Variants in SRRM2 observed in about 807,000 individuals in gnomAD.
SRRM2 encodes serine/arginine repetitive matrix protein 2.
In SRRM2, 30 loss-of-function variants were observed where a neutral mutation model predicts 213.8. The ratio of observed to expected loss-of-function variants is 0.14; its 90% CI spans 0.10 to 0.19. The LOEUF (loss-of-function observed/expected upper bound fraction) is 0.19. Ranked by LOEUF, SRRM2 falls within the 10% of genes least tolerant of loss-of-function variation. SRRM2 has a pLI of 1.00. For missense variants in SRRM2, 4,904 were observed against 3,647.0 expected (o/e 1.34, Z -8.88); for synonymous variants, 2,025 against 1,377.7 (o/e 1.47, Z -10.40).
chr16:2,762,667 TCA>T lies in SRRM2; in HGVS notation c.2141_2142del (p.His714LeufsTer2), dbSNP rs1163342158. On this transcript the variant is annotated frameshift_variant, in exon 11 of 15. Coordinates refer to ENST00000301740, the MANE Select transcript of SRRM2 (RefSeq NM_016333.4). LOFTEE classifies it high-confidence loss of function. ...SRSLVRRGRSHSRTPQRRGRS... is the reference protein window; with the variant it reads ...SRSLVRRGRSXSRTPQRRGRS... Reference sequence around the variant, plus strand: ...GAAGCTTAGTTAGACGTGGAAGATCTCACTCTAGAACACCTCAAAGAAGAGGC... The same window carrying T: ...GAAGCTTAGTTAGACGTGGAAGATCTCTCTAGAACACCTCAAAGAAGAGGC... The T allele has an allele frequency of 1.9e-6, 3 of 1,613,926 alleles. No individual in the cohort carries two copies. The highest frequency in any genetic ancestry group is 2.5e-6 in the Non-Finnish European group (3 of 1,180,016).
chr16:2,762,586 A>T lies in SRRM2; in HGVS notation c.2058A>T (p.Pro686=), dbSNP rs372614399. ...GTGGTCGCTCACGCTCCAGAACACCAGCCAGGAGAGGGAGGTCTCGGTCTA... is the reference window on the plus strand; with the variant it reads ...GTGGTCGCTCACGCTCCAGAACACCTGCCAGGAGAGGGAGGTCTCGGTCTA... ...RRSGRSRSRT[P]ARRGRSRSRT... The change falls in exon 11 of 15, where the codon CCA becomes CCT. Residue 686 remains proline (P), a synonymous_variant. Transcript: ENST00000301740. The T allele has an allele frequency of 1.2e-5, 19 of 1,613,968 alleles. No individual in the cohort carries two copies. The African/African-American group carries it at 2.4e-4, about 20-fold the overall frequency.
At chr16:2,770,260 G>A in intron 12 of SRRM2, 92 bp from the exon 13 acceptor site, 1 of 1,474,020 alleles carries the variant, frequency 6.8e-7, no homozygotes, top group Non-Finnish European at 9.0e-7. Context: ...GTGGTGTGAG[G>A]TTTGGTGGTC....
chr16:2,771,298 G>A lies in SRRM2; in HGVS notation c.*431G>A. ...TTAGTTGGTCCCTACTGTCCCCCAT[G>A]AGGTTGTGAACCCCTCCCCCCAACT... On this transcript the variant is annotated 3_prime_UTR_variant, in exon 15 of 15. Transcript: ENST00000301740. 1 of 999,606 alleles carries A rather than the reference G, an allele frequency of 1.0e-6. No homozygotes were observed. The highest frequency in any genetic ancestry group is 1.6e-6 in the Non-Finnish European group (1 of 639,598). The allele number at this position is 999,606 out of a possible 1,614,324, so 61.9% of individuals were successfully genotyped here. A position where few individuals can be genotyped will look rare whatever the true frequency, so the allele number is the denominator to read the frequency against.
chr16:2,769,811 C>T (rs1319473726), intron 12 of SRRM2: 1 of 465,622 alleles, frequency 2.1e-6, no homozygotes, highest in Non-Finnish European at 4.3e-6. Context: ...ACGGGCCTTG[C>T]CCGCCCTGTG....
chr16:2,770,476 C>T lies in SRRM2; in HGVS notation c.8135+11C>T. 6 of 1,599,276 alleles carry T rather than the reference C, an allele frequency of 3.8e-6. No individual in the cohort carries two copies. Among genetic ancestry groups the T allele is most frequent in the Non-Finnish European group, 5.1e-6 (6 of 1,173,348 alleles). On this transcript the variant is annotated intron_variant, in intron 13 of 14. Coordinates refer to ENST00000301740, the MANE Select transcript of SRRM2 (RefSeq NM_016333.4). ...ACGGGACCAGCAGAGGTAAGGCCAACTGCAGGTGTCAGCACCCAGCCTGTC... is the reference window on the plus strand; with the variant it reads ...ACGGGACCAGCAGAGGTAAGGCCAATTGCAGGTGTCAGCACCCAGCCTGTC...
rs1213614990 is a variant in SRRM2, at chr16:2,771,141, A to G, written c.*274A>G. ...GGGAGGGGAGGATACAGTTCAGGATACCCCAGCCTGGAGTCAGGGCCAGGG... is the reference window on the plus strand; with the variant it reads ...GGGAGGGGAGGATACAGTTCAGGATGCCCCAGCCTGGAGTCAGGGCCAGGG... On this transcript the variant is annotated 3_prime_UTR_variant, in exon 15 of 15. Coordinates refer to ENST00000301740, the MANE Select transcript of SRRM2 (RefSeq NM_016333.4). The G allele has an allele frequency of 6.4e-6, 4 of 620,614 alleles. No homozygotes were observed. The highest frequency in any genetic ancestry group is 8.4e-6 in the Non-Finnish European group (3 of 355,908). 38.4% of individuals were successfully genotyped at this position (620,614 alleles called of 1,614,324 possible).
intron 12 of SRRM2, 104 bp downstream of exon 12, chr16:2,769,388 G>A (rs1381505075): frequency 3.7e-6 from 5 of 1,353,304 alleles, no homozygotes; most frequent in Non-Finnish European, 5.0e-6. Context: ...ACGTGGCCTT[G>A]GGCATCTGGT....
Position 2,770,383 on chromosome 16 carries a change from C to T in SRRM2, c.8053C>T (p.Leu2685Phe). ...SRSPRKPIDS[L>F]RDSRSLSYSP... ...CAGCCCCCGGAAGCCAATAGACTCCCTCAGGGACTCTCGGTCCCTCAGCTA... is the reference window on the plus strand; with the variant it reads ...CAGCCCCCGGAAGCCAATAGACTCCTTCAGGGACTCTCGGTCCCTCAGCTA... Residue 2685 changes from leucine to phenylalanine, a missense_variant, in exon 13 of 15, where the codon CTC becomes TTC. Physicochemically the swap from Leu to Phe is conservative, Grantham distance 22. Coordinates refer to ENST00000301740, the MANE Select transcript of SRRM2 (RefSeq NM_016333.4). 3 of 1,608,234 alleles carry T rather than the reference C, an allele frequency of 1.9e-6. No individual in the cohort carries two copies. The highest frequency in any genetic ancestry group is 2.5e-6 in the Non-Finnish European group (3 of 1,177,436).
At position 2,762,418 on chromosome 16, in the gene SRRM2, A is replaced by G. The variant is rs2068386154; in HGVS notation, c.1890A>G (p.Pro630=). Residue 630 remains proline (P), a synonymous_variant, in exon 11 of 15, where the codon CCA becomes CCG. Coordinates refer to ENST00000301740, the MANE Select transcript of SRRM2 (RefSeq NM_016333.4). ...GGCGCAGATCTAGGACCCGATCACC[A>G]GTACGACGCAGGTCTCGTAGTAGAT... The part of the protein sequence containing the change: ...PARRRSRTRS[P]VRRRSRSRSP... 2 of 1,614,042 alleles carry G rather than the reference A, an allele frequency of 1.2e-6. No homozygotes were observed. The highest frequency in any genetic ancestry group is 1.7e-6 in the Non-Finnish European group (2 of 1,180,018).
At position 2,766,606 on chromosome 16, in the gene SRRM2, T is replaced by C; in HGVS notation, c.6078T>C (p.Ile2026=). The change falls in exon 11 of 15, where the codon ATT becomes ATC. Residue 2026 remains isoleucine, a synonymous_variant. Coordinates refer to ENST00000301740, the MANE Select transcript of SRRM2 (RefSeq NM_016333.4). The surrounding 1 kb of genome is among the most constrained non-coding windows in gnomAD (Gnocchi z 7.0). ...RRSRSRTPPA[I]RRRSRSRTPL... ...CTAGGTCCCGGACACCTCCAGCTAT[T>C]CGGCGCCGCTCTAGATCTCGAACGC... is the stretch of plus-strand genomic sequence containing the variant. 1.2e-6 allele frequency: 2 copies of C among 1,612,934 alleles called. No homozygotes were observed. Among genetic ancestry groups the C allele is most frequent in the African/African-American group, 2.7e-5 (2 of 74,612 alleles).
In SRRM2 at chr16:2,762,518, G is replaced by C; in HGVS notation, c.1990G>C (p.Ala664Pro). The change falls in exon 11 of 15, where the codon GCC becomes CCC. Residue 664 changes from alanine to proline, a missense_variant. By Grantham distance (27) the Ala-to-Pro change is conservative. Coordinates refer to ENST00000301740, the MANE Select transcript of SRRM2 (RefSeq NM_016333.4). ...RRGRSRSRTP[A>P]RRGRSRSRTP... ...TGGCCGCTCACGCTCCAGAACCCCAGCCAGACGTGGCCGCTCACGCTCTAG... is the reference window on the plus strand; with the variant it reads ...TGGCCGCTCACGCTCCAGAACCCCACCCAGACGTGGCCGCTCACGCTCTAG... The C allele has an allele frequency of 6.2e-7, 1 of 1,613,248 alleles. No individual in the cohort carries two copies. The highest frequency in any genetic ancestry group is 8.5e-7 in the Non-Finnish European group (1 of 1,179,656).
In SRRM2 at chr16:2,767,401, A is replaced by G. The variant is rs140063935; in HGVS notation, c.6873A>G (p.Thr2291=). 5 of 1,613,838 alleles carry G rather than the reference A, an allele frequency of 3.1e-6. No individual in the cohort carries two copies. In the African/African-American group the frequency reaches 6.7e-5, roughly 22 times the overall value. The change falls in exon 11 of 15, where the codon ACA becomes ACG. Residue 2291 remains threonine (T), a synonymous_variant. Coordinates refer to ENST00000301740, the MANE Select transcript of SRRM2 (RefSeq NM_016333.4). ...AVNLADPRTP[T]APAVNLAGAR... ...ACCTGGCTGACCCTCGCACTCCCAC[A>G]GCCCCAGCTGTGAACCTAGCAGGGG... is the stretch of plus-strand genomic sequence containing the variant.
chr16:2,765,496 G>C lies in SRRM2; in HGVS notation c.4968G>C (p.Glu1656Asp), dbSNP rs200591665. The change falls in exon 11 of 15, where the codon GAG becomes GAC. Residue 1656 changes from glutamate to aspartate, a missense_variant. Glu to Asp is a conservative substitution (Grantham distance 45, BLOSUM62 2). Transcript: ENST00000301740. ...GPSPEGSSST[E>D]SSPEHPPKSR... ...CTCCTGAAGGAAGCAGCAGTACCGAGTCCTCTCCTGAACATCCGCCCAAAT... is the reference window on the plus strand; with the variant it reads ...CTCCTGAAGGAAGCAGCAGTACCGACTCCTCTCCTGAACATCCGCCCAAAT... 25 of 1,614,146 alleles carry C rather than the reference G, an allele frequency of 1.5e-5. No individual in the cohort carries two copies. Among genetic ancestry groups the C allele is most frequent in the Non-Finnish European group, 2.1e-5 (25 of 1,180,034 alleles).
rs1298429447 is a variant in SRRM2 at position 2,752,844 on chromosome 16, CGGGTGAGA to C, written c.-32+6_-32+13del. On this transcript the variant is annotated splice_donor_variant and splice_donor_5th_base_variant and 5_prime_UTR_variant and intron_variant, in exon 1 of 15. Transcript: ENST00000301740. LOFTEE classifies it low-confidence loss of function (5UTR_SPLICE). Reference sequence around the variant, plus strand: ...CCTCGGAGGCGGCGGGCGGAGGCGGCGGGTGAGAGGGTGAGGGAGCCAGCGAGCCGGGT... The same window carrying C: ...CCTCGGAGGCGGCGGGCGGAGGCGGCGGGTGAGGGAGCCAGCGAGCCGGGT... 1 of 274,504 alleles carries C rather than the reference CGGGTGAGA, an allele frequency of 3.6e-6. No homozygotes were observed. Among genetic ancestry groups the C allele is most frequent in the African/African-American group, 2.3e-5 (1 of 42,788 alleles). The allele number at this position is 274,504 out of a possible 1,614,324, so 17.0% of individuals were successfully genotyped here. A position where few individuals can be genotyped will look rare whatever the true frequency, so the allele number is the denominator to read the frequency against.
intron 1 of SRRM2, among the ~76,000 whole-genome samples, chr16:2,755,794 T>G (rs912167968): frequency 4.6e-5 from 7 of 152,180 alleles, no homozygotes; most frequent in African/African-American, 1.7e-4. Context: ...TTATTTCATA[T>G]TCGTATAGGG....
chr16:2,757,711 T>C, intron 3 of SRRM2, 70 bp from the exon 4 acceptor site: 1 of 1,590,514 alleles, frequency 6.3e-7, no homozygotes, highest in Non-Finnish European at 8.6e-7. Context: ...TGGCTCCTGC[T>C]TATACTTGTG....
Position 2,764,469 on chromosome 16 carries a change from A to G in SRRM2, c.3941A>G (p.His1314Arg), listed in dbSNP as rs202209628. ...GGTGGGCCACATTTTTCTCCAGAAC[A>G]TAAAGAACTGTCTAACTCCCCACTC... ...SWGGPHFSPE[H>R]KELSNSPLRE... Residue 1314 changes from histidine (H) to arginine (R), a missense_variant, in exon 11 of 15, where the codon CAT (histidine) becomes CGT (arginine). Coordinates refer to ENST00000301740, the MANE Select transcript of SRRM2 (RefSeq NM_016333.4). 15 of 1,613,456 alleles carry G rather than the reference A, an allele frequency of 9.3e-6. No individual in the cohort carries two copies. The highest frequency in any genetic ancestry group is 3.3e-5 in the Admixed American group (2 of 59,868).
At position 2,765,117 on chromosome 16, in the gene SRRM2, G is replaced by T. The variant is rs201226213; in HGVS notation, c.4589G>T (p.Arg1530Leu). The T allele has an allele frequency of 6.2e-7, 1 of 1,613,940 alleles. No individual in the cohort carries two copies. The highest frequency in any genetic ancestry group is 2.2e-5 in the East Asian group (1 of 44,892). The change falls in exon 11 of 15, where the codon CGG (arginine) becomes CTG (leucine). Residue 1530 changes from arginine to leucine, a missense_variant. Arg to Leu is a moderately radical substitution (Grantham distance 102). Coordinates refer to ENST00000301740, the MANE Select transcript of SRRM2 (RefSeq NM_016333.4). ...TCAGTTGATCAGAAAACTGTGGCTCGGACTCCCCTGGGGCAGAGAAGTCGT... is the reference window on the plus strand; with the variant it reads ...TCAGTTGATCAGAAAACTGTGGCTCTGACTCCCCTGGGGCAGAGAAGTCGT... ...ESSVDQKTVA[R>L]TPLGQRSRSG... is the part of the protein sequence containing the mutation.
chr16:2,768,415 G>A (rs2150780052), intron 11 of SRRM2, 154 bp downstream of exon 11: 2 of 810,028 alleles, frequency 2.5e-6, no homozygotes, highest in African/African-American at 1.7e-5. Flanking sequence ...GAATGCTGGG[G>A]CAGGGGGCGG....
Sources: gnomAD v4.1 joint callset for allele counts (sites outside exome capture counted in the v4.1 genomes callset) on GRCh38, gnomAD v4.1.1 for gene constraint, Gnocchi (gnomAD v3.1) non-coding constraint, MANE v1.5 for transcripts, NCBI Gene and HGNC (gene_info 2026-07-23, HGNC 2026-07-21) for gene names.